The following NELL2 variants were observed in gnomAD, a reference collection of about 807,000 sequenced individuals.
The protein encoded by NELL2 is protein kinase C-binding protein NELL2.
Under a neutral mutation model 109.6 loss-of-function variants are expected in NELL2, and 41 were observed. The ratio of observed to expected loss-of-function variants is 0.37; its 90% CI spans 0.29 to 0.49. The LOEUF is 0.49. NELL2 is among the 20% of genes least tolerant of loss of function. The pLI is 0.98. For synonymous variants in NELL2, 355 were observed against 344.7 expected (o/e 1.03, Z -0.33); for missense variants, 900 against 1,008.3 (o/e 0.89, Z 1.45).
chr12:44,565,195 T>C (rs1158378738), intron 15 of NELL2, among the ~76,000 whole-genome samples: 1 of 152,140 alleles, frequency 6.6e-6, no homozygotes, highest in Non-Finnish European at 1.5e-5. Flanking sequence ...CTGTGAAGCA[T>C]ATTCTCCTCC....
At chr12:44,630,760 T>C (rs967460799) in intron 13 of NELL2, among the ~76,000 whole-genome samples, 5 of 152,082 alleles carry the variant, frequency 3.3e-5, no homozygotes, top group Non-Finnish European at 7.4e-5. Flanking sequence ...CTGGTGGAAG[T>C]GTGAGCTAAT....
At chr12:44,803,852 A>T (rs993284681) in intron 3 of NELL2, among the ~76,000 whole-genome samples, 1 of 151,982 alleles carries the variant, frequency 6.6e-6, no homozygotes, top group Non-Finnish European at 1.5e-5. Context: ...AAATTAGTAA[A>T]TTTTAAAAGT....
At chr12:44,810,382 G>A (rs12810145) in intron 3 of NELL2, among the ~76,000 whole-genome samples, 4,592 of 152,136 alleles carry the variant, frequency 0.03, 94 homozygotes, top group Middle Eastern at 0.061. Flanking sequence ...CATTAATGGG[G>A]TTATCGCTAA....
chr12:44,603,723 T>A (rs561236134), intron 15 of NELL2, among the ~76,000 whole-genome samples: 1 of 152,270 alleles, frequency 6.6e-6, no homozygotes, highest in East Asian at 1.9e-4. Flanking sequence ...ATCGCCCTTT[T>A]GTGAAGTGGT....
At chr12:44,827,409 CTGT>C (rs1455104201) in intron 2 of NELL2, among the ~76,000 whole-genome samples, 3 of 84,772 alleles carry the variant, frequency 3.5e-5, no homozygotes, top group Non-Finnish European at 4.9e-5. Context: ...CTTCTTCTAA[CTGT>C]TTTTTTTTTT....
intron 1 of NELL2, among the ~76,000 whole-genome samples, chr12:44,897,694 A>C (rs1323185904): frequency 5.3e-5 from 8 of 152,094 alleles, no homozygotes; most frequent in Non-Finnish European, 1.0e-4. Flanking sequence ...CTGGGCAGCC[A>C]TTTGGGCAGA....
At chr12:44,558,196 G>C (rs995207593) in intron 15 of NELL2, among the ~76,000 whole-genome samples, 2 of 152,198 alleles carry the variant, frequency 1.3e-5, no homozygotes, top group South Asian at 2.1e-4. Context: ...ACCAGTAAAA[G>C]GGGAAAGACT....
At chr12:44,807,006 A>C (rs2136665332) in intron 3 of NELL2, among the ~76,000 whole-genome samples, 1 of 151,874 alleles carries the variant, frequency 6.6e-6, no homozygotes, top group South Asian at 2.1e-4. Flanking sequence ...TTCAAGACTA[A>C]GACAGGGAAA....
At chr12:44,587,284 A>AAAAAAAAATATATATATAT in intron 15 of NELL2, among the ~76,000 whole-genome samples, 12 of 72,200 alleles carry the variant, frequency 1.7e-4, no homozygotes, top group Non-Finnish European at 2.4e-4. Context: ...AAAAAAAAAA[A>AAAAAAAAATATATATATAT]ATATATATAT....
intron 3 of NELL2, among the ~76,000 whole-genome samples, chr12:44,797,371 C>T (rs984282606): frequency 6.6e-6 from 1 of 152,040 alleles, no homozygotes; most frequent in Non-Finnish European, 1.5e-5. Flanking sequence ...GGAATATAGT[C>T]TGCTTTAATG....
intron 9 of NELL2, among the ~76,000 whole-genome samples, chr12:44,716,602 AAGACCT>A (rs1938499751): frequency 1.3e-5 from 2 of 152,212 alleles, no homozygotes; most frequent in South Asian, 4.1e-4. Context: ...TCAACATACC[AAGACCT>A]AGCATATTGC....
At position 44,615,112 on chromosome 12, in the gene NELL2, T is replaced by C. The variant is rs1945772595; in HGVS notation, c.1445-4142A>G. Among the ~76,000 whole-genome samples the C allele has an allele frequency of 4.6e-5, 7 of 152,090 alleles. No individual in the cohort carries two copies. In the South Asian group the frequency reaches 8.3e-4, roughly 18 times the overall value. On this transcript the variant is annotated intron_variant, in intron 13 of 19. Coordinates refer to ENST00000429094, the MANE Select transcript of NELL2 (RefSeq NM_001145108.2). ...TAGTAAATGGATTCATTATGAGAAA[T>C]TGCTAAAGTAGAGAAGTAACACTGC...
intron 13 of NELL2, among the ~76,000 whole-genome samples, chr12:44,617,668 G>T (rs1177133801): frequency 1.3e-5 from 1 of 74,510 alleles, no homozygotes; most frequent in Non-Finnish European, 2.3e-5. Flanking sequence ...CTCCAGCCTG[G>T]GCGACAGAGC....
intron 1 of NELL2, among the ~76,000 whole-genome samples, chr12:44,902,314 G>T (rs770057884): frequency 1.3e-5 from 2 of 152,058 alleles, no homozygotes; most frequent in Non-Finnish European, 2.9e-5. Context: ...GCTACAAAGA[G>T]AATACAATAC....
At chr12:44,875,061 AC>A in intron 2 of NELL2, 163 bp downstream of exon 2, 1 of 935,970 alleles carries the variant, frequency 1.1e-6, no homozygotes, top group South Asian at 1.9e-5. Flanking sequence ...AGAAAAAACC[AC>A]TTAAAAGAGA....
At chr12:44,517,438 T>C (rs970509314) in intron 19 of NELL2, among the ~76,000 whole-genome samples, 1 of 147,808 alleles carries the variant, frequency 6.8e-6, no homozygotes, top group Non-Finnish European at 1.5e-5. Flanking sequence ...ACTCTTGCCA[T>C]GTGAAATGCC....
chr12:44,665,769 G>A (rs372688298), intron 12 of NELL2, among the ~76,000 whole-genome samples, 160 bp from the exon 13 acceptor site: 2 of 152,138 alleles, frequency 1.3e-5, no homozygotes, highest in African/African-American at 4.8e-5. Context: ...ATGTTCAAAT[G>A]ACAAAAATCA....
intron 1 of NELL2, among the ~76,000 whole-genome samples, chr12:44,888,005 GA>G (rs1386704464): frequency 1.3e-5 from 2 of 152,004 alleles, no homozygotes; most frequent in African/African-American, 4.8e-5. Context: ...GATATGATTT[GA>G]TTTTTGTGTA....
chr12:44,900,849 T>G (rs886432484), intron 1 of NELL2, among the ~76,000 whole-genome samples: 1 of 151,758 alleles, frequency 6.6e-6, no homozygotes, highest in Non-Finnish European at 1.5e-5. Context: ...ATTGGCTGGG[T>G]GTGATGGCAT....
Sources: gnomAD v4.1 joint callset for allele counts (sites outside exome capture counted in the v4.1 genomes callset) on GRCh38, gnomAD v4.1.1 for gene constraint, MANE v1.5 for transcripts, NCBI Gene and HGNC (gene_info 2026-07-23, HGNC 2026-07-21) for gene names.